The following PLD5 variants were observed in gnomAD, a reference collection of about 807,000 sequenced individuals.
PLD5 encodes the protein inactive phospholipase D5.
A neutral mutation model predicts 61.1 loss-of-function variants in PLD5; 36 were observed. The observed-to-expected ratio is 0.59, with a 90% CI of 0.45 to 0.78. The LOEUF (loss-of-function observed/expected upper bound fraction) is 0.78, where lower values mean the gene tolerates loss of function less well. Ranked by LOEUF, PLD5 falls within the 30% of genes least tolerant of loss-of-function variation. PLD5 has a pLI of 0.00. For synonymous variants in PLD5, 243 were observed against 242.8 expected (o/e 1.00, Z -0.01); for missense variants, 515 against 644.4 (o/e 0.80, Z 2.17).
At chr1:242,094,441 A>C (rs1033814075) in intron 9 of PLD5, among the ~76,000 whole-genome samples, 3 of 152,320 alleles carry the variant, frequency 2.0e-5, no homozygotes, top group East Asian at 1.9e-4. Context: ...TTAGTGGAGC[A>C]GTGATTCCAT....
upstream of PLD5, among the ~76,000 whole-genome samples, chr1:242,526,517 C>T (rs1032986882): frequency 6.6e-6 from 1 of 152,120 alleles, no homozygotes; most frequent in Admixed American, 6.5e-5. Context: ...CTCGCTGCAA[C>T]CTCCGCCTCC....
chr1:242,329,739 TTGAG>T (rs1659053114), intron 2 of PLD5, among the ~76,000 whole-genome samples: 1 of 152,180 alleles, frequency 6.6e-6, no homozygotes, highest in Admixed American at 6.5e-5. Flanking sequence ...TGCACAGAGT[TTGAG>T]TAAGTTCTCT....
upstream of PLD5, among the ~76,000 whole-genome samples, chr1:242,529,632 C>A (rs1669510767): frequency 6.6e-6 from 1 of 152,088 alleles, no homozygotes; most frequent in African/African-American, 2.4e-5. Flanking sequence ...GGCTGAGAGC[C>A]CCCACAGTGA....
At chr1:242,245,421 C>T (rs1360130565) in intron 4 of PLD5, among the ~76,000 whole-genome samples, 1 of 152,222 alleles carries the variant, frequency 6.6e-6, no homozygotes, top group Non-Finnish European at 1.5e-5. Flanking sequence ...CATTCATCAG[C>T]CTCTTTGTTC....
rs991287810 is a variant in PLD5 at position 242,085,133 on chromosome 1, A to G, written c.*4721T>C. 1.3e-5 allele frequency: 2 copies of G among 152,198 alleles called. No individual in the cohort carries two copies. Among genetic ancestry groups the G allele is most frequent in the African/African-American group, 4.8e-5 (2 of 41,452 alleles). The allele number at this position is 152,198 out of a possible 1,614,324, so 9.4% of individuals were successfully genotyped here. A position where few individuals can be genotyped will look rare whatever the true frequency, so the allele number is the denominator to read the frequency against. On this transcript the variant is annotated 3_prime_UTR_variant, in exon 10 of 10. Transcript: ENST00000536534. ...GTCCAGGTACAAGTTTATCCTATTT[A>G]CATAAAGGAACATTAAAAATTCAAG...
intron 2 of PLD5, among the ~76,000 whole-genome samples, chr1:242,313,072 T>G (rs1676798150): frequency 6.6e-6 from 1 of 152,190 alleles, no homozygotes; most frequent in Non-Finnish European, 1.5e-5. Context: ...AATGAGACAA[T>G]GTACATAAAG....
At chr1:242,149,657 A>C (rs1574397604) in intron 5 of PLD5, among the ~76,000 whole-genome samples, 1 of 144,698 alleles carries the variant, frequency 6.9e-6, no homozygotes, top group Admixed American at 6.8e-5. Flanking sequence ...AGAAGACTTA[A>C]GTTTTATACA....
intron 1 of PLD5, among the ~76,000 whole-genome samples, chr1:242,449,729 A>G (rs1018843178): frequency 2.0e-5 from 3 of 152,206 alleles, no homozygotes; most frequent in Non-Finnish European, 4.4e-5. Flanking sequence ...AATGATAGCA[A>G]GATCTCAAGC....
At chr1:242,258,104 G>C (rs550197173) in intron 4 of PLD5, among the ~76,000 whole-genome samples, 1 of 152,112 alleles carries the variant, frequency 6.6e-6, no homozygotes, top group African/African-American at 2.4e-5. Context: ...TCATTGTATT[G>C]TTTTCCTATA....
intron 1 of PLD5, among the ~76,000 whole-genome samples, chr1:242,420,112 T>C (rs1665057619): frequency 6.6e-6 from 1 of 152,192 alleles, no homozygotes; most frequent in African/African-American, 2.4e-5. Context: ...CCATCTCCTA[T>C]GGAGCACTTA....
intron 1 of PLD5, among the ~76,000 whole-genome samples, chr1:242,493,424 G>A (rs1668237732): frequency 6.6e-6 from 1 of 152,208 alleles, no homozygotes; most frequent in Non-Finnish European, 1.5e-5. Context: ...ACCGGGTTAT[G>A]CTTCTGGACA....
intron 1 of PLD5, among the ~76,000 whole-genome samples, chr1:242,467,642 C>T (rs1246207808): frequency 6.6e-6 from 1 of 152,098 alleles, no homozygotes; most frequent in Non-Finnish European, 1.5e-5. Flanking sequence ...ATTAACTTGA[C>T]CTCTCAACAC....
chr1:242,215,293 G>A (rs1670108196), intron 5 of PLD5, among the ~76,000 whole-genome samples: 1 of 151,932 alleles, frequency 6.6e-6, no homozygotes, highest in African/African-American at 2.4e-5. Context: ...TTTGTCACAT[G>A]TGGAATATCC....
chr1:242,269,138 C>T (rs966875651), intron 3 of PLD5, among the ~76,000 whole-genome samples: 5 of 152,240 alleles, frequency 3.3e-5, no homozygotes, highest in South Asian at 4.1e-4. Flanking sequence ...CCACTGTGCC[C>T]GACCTCACTC....
intron 1 of PLD5, among the ~76,000 whole-genome samples, chr1:242,452,596 G>T (rs1219846858): frequency 6.6e-6 from 1 of 152,094 alleles, no homozygotes; most frequent in Admixed American, 6.6e-5. Flanking sequence ...CGGGTGGATC[G>T]CTTGAGCCCA....
intron 5 of PLD5, among the ~76,000 whole-genome samples, chr1:242,176,785 CAAAAT>C (rs1464485863): frequency 6.6e-6 from 1 of 152,180 alleles, no homozygotes; most frequent in Non-Finnish European, 1.5e-5. Context: ...AGACACCTCT[CAAAAT>C]AAGGCATTTC....
chr1:242,439,091 C>G (rs1489953176), intron 1 of PLD5, among the ~76,000 whole-genome samples: 2 of 152,216 alleles, frequency 1.3e-5, no homozygotes, highest in South Asian at 4.1e-4. Flanking sequence ...ATCCCCACCA[C>G]CTGGCATAGC....
At chr1:242,168,671 T>A (rs1414640113) in intron 5 of PLD5, among the ~76,000 whole-genome samples, 1 of 152,262 alleles carries the variant, frequency 6.6e-6, no homozygotes, top group African/African-American at 2.4e-5. Context: ...TATTGGCTCA[T>A]TAAAACAACA....
chr1:242,393,032 C>T lies in PLD5; in HGVS notation c.190-44790G>A, dbSNP rs553645033. ...CAGCCTGGCCAACATGGTGAAACCC[C>T]GTCTCTACTAAAAATGCAAAAATTA... On this transcript the variant is annotated intron_variant, in intron 1 of 9. Transcript: ENST00000536534. Among the ~76,000 whole-genome samples, 205 of 150,404 alleles carry T rather than the reference C, an allele frequency of 1.4e-3. 1 individual carries two copies. The highest frequency in any genetic ancestry group is 4.8e-3 in the African/African-American group (196 of 40,934).
Sources: gnomAD v4.1 joint callset for allele counts (sites outside exome capture counted in the v4.1 genomes callset) on GRCh38, gnomAD v4.1.1 for gene constraint, MANE v1.5 for transcripts, NCBI Gene and HGNC (gene_info 2026-07-23, HGNC 2026-07-21) for gene names.